The following METTL16 variants were observed in gnomAD, a reference collection of about 807,000 sequenced individuals.
METTL16 encodes the protein RNA N(6)-adenosine-methyltransferase METTL16.
METTL16 carries 19 observed loss-of-function variants against 57.9 expected under a neutral mutation model. The ratio of observed to expected loss-of-function variants is 0.33; its 90% CI spans 0.23 to 0.48. The LOEUF (loss-of-function observed/expected upper bound fraction) is 0.48, where lower values mean the gene tolerates loss of function less well. Among genes scored for constraint, METTL16 ranks in the 20% least tolerant of loss-of-function variants. The pLI is 0.99. For missense variants in METTL16, 434 were observed against 691.5 expected (o/e 0.63, Z 4.18); for synonymous variants, 246 against 255.6 (o/e 0.96, Z 0.36).
intron 2 of METTL16, among the ~76,000 whole-genome samples, chr17:2,492,271 G>A (rs1310907615): frequency 6.6e-6 from 1 of 152,116 alleles, no homozygotes; most frequent in Non-Finnish European, 1.5e-5. Context: ...TATTCAAGCT[G>A]AACTGACAGT....
intron 2 of METTL16, among the ~76,000 whole-genome samples, chr17:2,493,335 C>G (rs527499606): frequency 6.6e-6 from 1 of 151,408 alleles, no homozygotes; most frequent in Admixed American, 6.6e-5. Context: ...ATGATCCGCC[C>G]GCCTTGGCCT....
At chr17:2,447,603 A>G (rs1485703436) in intron 6 of METTL16, among the ~76,000 whole-genome samples, 5 of 98,930 alleles carry the variant, frequency 5.1e-5, no homozygotes, top group East Asian at 2.8e-4. Context: ...CCGCCCGGCC[A>G]GCCGCCCAGT....
chr17:2,502,426 T>C (rs2151580233), intron 1 of METTL16, 95 bp from the exon 2 acceptor site: 1 of 1,187,482 alleles, frequency 8.4e-7, no homozygotes, highest in Non-Finnish European at 1.2e-6. Flanking sequence ...ATCCCAGTAC[T>C]TTGGGAGGCC....
rs187250178 is a variant in METTL16 at position 2,492,166 on chromosome 17, G to A, written c.128+10038C>T. On this transcript the variant is annotated intron_variant, in intron 2 of 9. Coordinates refer to ENST00000263092, the MANE Select transcript of METTL16 (RefSeq NM_024086.4). ...GCGGAGCTTGCAGTGAGCCGAGATTGCGCCACTGCACTCCAGCCTGGGCGA... is the reference window on the plus strand; with the variant it reads ...GCGGAGCTTGCAGTGAGCCGAGATTACGCCACTGCACTCCAGCCTGGGCGA... 3.0e-4 allele frequency among the ~76,000 whole-genome samples: 46 copies of A among 152,104 alleles called. No individual in the cohort carries two copies. In the East Asian group the frequency reaches 7.4e-3, roughly 24 times the overall value.
chr17:2,432,558 C>T (rs1249726536), intron 8 of METTL16, among the ~76,000 whole-genome samples: 1 of 151,814 alleles, frequency 6.6e-6, no homozygotes, highest in Non-Finnish European at 1.5e-5. Flanking sequence ...AACAGTGAGA[C>T]CCAGTCTCAA....
chr17:2,485,657 G>C (rs2067336145), intron 2 of METTL16, among the ~76,000 whole-genome samples: 1 of 152,178 alleles, frequency 6.6e-6, no homozygotes, highest in Non-Finnish European at 1.5e-5. Context: ...GTGACAGCTG[G>C]CATGCATTCC....
At chr17:2,472,349 A>G (rs2151567330) in intron 4 of METTL16, among the ~76,000 whole-genome samples, 1 of 152,312 alleles carries the variant, frequency 6.6e-6, no homozygotes, top group Non-Finnish European at 1.5e-5. Flanking sequence ...TGCTGCTGGG[A>G]GTGCAAAACA....
rs774705321 is a variant in METTL16 at position 2,420,466 on chromosome 17, G to A, written c.1193C>T (p.Ala398Val). ...CAAGGCCTGAATGACGTCCTCAGGAGCTCGGGGAACTTCTCTCAGCTGTCT... is the reference window on the plus strand; with the variant it reads ...CAAGGCCTGAATGACGTCCTCAGGAACTCGGGGAACTTCTCTCAGCTGTCT... ...RVRQLREVPR[A>V]PEDVIQALEE... is the part of the protein sequence containing the mutation. Residue 398 changes from alanine (A) to valine (V), a missense_variant, in exon 10 of 10, where the codon GCT becomes GTT. This residue lies in a region of METTL16 where 168 missense variants were observed against 149.6 expected (regional missense o/e 1.12). Coordinates refer to ENST00000263092, the MANE Select transcript of METTL16 (RefSeq NM_024086.4). The surrounding 1 kb of genome is among the most constrained non-coding windows in gnomAD (Gnocchi z 5.4). 2 of 1,613,818 alleles carry A rather than the reference G, an allele frequency of 1.2e-6. No homozygotes were observed. The highest frequency in any genetic ancestry group is 8.5e-7 in the Non-Finnish European group (1 of 1,179,894).
At chr17:2,488,279 C>T (rs894386412) in intron 2 of METTL16, among the ~76,000 whole-genome samples, 3 of 152,012 alleles carry the variant, frequency 2.0e-5, no homozygotes, top group Admixed American at 6.6e-5. Context: ...AATCCCAGCC[C>T]GGCGCAGTGG....
chr17:2,493,368 C>CGTG (rs757559216), intron 2 of METTL16, among the ~76,000 whole-genome samples: 20 of 150,832 alleles, frequency 1.3e-4, no homozygotes, highest in East Asian at 8.0e-4. Context: ...GAATTACAGG[C>CGTG]AGCCACCACA....
chr17:2,493,268 T>A (rs2067414994), intron 2 of METTL16, among the ~76,000 whole-genome samples: 2 of 151,588 alleles, frequency 1.3e-5, no homozygotes. Context: ...TTTTTGTATT[T>A]TTAGTAGAGA....
rs537867572 is a variant in METTL16 at position 2,417,408 on chromosome 17, A to G, written c.*2562T>C. 3 of 152,196 alleles carry G rather than the reference A, an allele frequency of 2.0e-5. No homozygotes were observed. The highest frequency in any genetic ancestry group is 2.1e-4 in the South Asian group (1 of 4,820). 9.4% of individuals were successfully genotyped at this position (152,196 alleles called of 1,614,324 possible). On this transcript the variant is annotated 3_prime_UTR_variant, in exon 10 of 10. Coordinates refer to ENST00000263092, the MANE Select transcript of METTL16 (RefSeq NM_024086.4). ...CTCTAAGGTCATTAGCTTGACATCT[A>G]TAAAATCTCCTCCATGACATGAAGC...
At chr17:2,508,869 C>T (rs1303425062) in intron 1 of METTL16, among the ~76,000 whole-genome samples, 1 of 152,196 alleles carries the variant, frequency 6.6e-6, no homozygotes, top group East Asian at 1.9e-4. Flanking sequence ...GCCACTTTCC[C>T]CTTCCAGACA....
At chr17:2,505,254 A>G (rs1300078200) in intron 1 of METTL16, among the ~76,000 whole-genome samples, 1 of 151,804 alleles carries the variant, frequency 6.6e-6, no homozygotes, top group African/African-American at 2.4e-5. Context: ...TCTTCTAAAC[A>G]ATATTATGTT....
intron 2 of METTL16, among the ~76,000 whole-genome samples, chr17:2,488,517 C>A (rs995146984): frequency 6.6e-6 from 1 of 151,880 alleles, no homozygotes; most frequent in African/African-American, 2.4e-5. Flanking sequence ...AGAGATAGTG[C>A]CACTGCACTC....
intron 6 of METTL16, among the ~76,000 whole-genome samples, chr17:2,457,668 G>T (rs1220195366): frequency 6.8e-6 from 1 of 147,836 alleles, no homozygotes; most frequent in Non-Finnish European, 1.5e-5. Flanking sequence ...CTAAAATCAC[G>T]CCACTGCACT....
chr17:2,507,295 G>A (rs2067549738), intron 1 of METTL16, among the ~76,000 whole-genome samples: 1 of 145,980 alleles, frequency 6.9e-6, no homozygotes, highest in Non-Finnish European at 1.5e-5. Flanking sequence ...GAGCCCCTCT[G>A]CCCGGCCAGC....
intron 6 of METTL16, among the ~76,000 whole-genome samples, chr17:2,446,664 A>T (rs1318204715): frequency 6.7e-6 from 1 of 150,110 alleles, no homozygotes; most frequent in East Asian, 1.9e-4. Context: ...TGCCGAGCCA[A>T]GGCTGGACGG....
chr17:2,486,621 T>C (rs559765498), intron 2 of METTL16, among the ~76,000 whole-genome samples: 1 of 152,090 alleles, frequency 6.6e-6, no homozygotes, highest in East Asian at 1.9e-4. Context: ...AGAATAAAGT[T>C]GGAACAAAGT....
Sources: allele counts gnomAD v4.1 joint callset (sites outside exome capture counted in the v4.1 genomes callset), GRCh38; gene constraint gnomAD v4.1.1; regional missense constraint gnomAD v4.1.1; non-coding constraint Gnocchi (gnomAD v3.1); transcripts MANE v1.5; gene names NCBI Gene and HGNC (gene_info 2026-07-23, HGNC 2026-07-21).